Variants in HCN1 observed in about 807,000 individuals in gnomAD.
The protein encoded by HCN1 is hyperpolarization activated cyclic nucleotide gated potassium channel 1.
Under a neutral mutation model 78.9 loss-of-function variants are expected in HCN1, and 13 were observed. The ratio of observed to expected loss-of-function variants is 0.16; its 90% CI spans 0.11 to 0.26. The LOEUF is 0.26. Ranked by LOEUF, HCN1 falls within the 10% of genes least tolerant of loss-of-function variation. The pLI is 1.00. For missense variants in HCN1, 810 were observed against 1,154.3 expected (o/e 0.70, Z 4.32); for synonymous variants, 552 against 455.5 (o/e 1.21, Z -2.70).
chr5:45,530,435 T>A (rs1742818919), intron 2 of HCN1, among the ~76,000 whole-genome samples: 1 of 149,646 alleles, frequency 6.7e-6, no homozygotes, highest in Non-Finnish European at 1.5e-5. Flanking sequence ...TATACATATA[T>A]AGTTTTTTTT....
At chr5:45,621,169 T>C (rs1280320149) in intron 2 of HCN1, among the ~76,000 whole-genome samples, 1 of 152,188 alleles carries the variant, frequency 6.6e-6, no homozygotes, top group East Asian at 1.9e-4. Flanking sequence ...AACTAGGAAA[T>C]ACTTCTTCAA....
chr5:45,291,572 T>C (rs1289081623), intron 6 of HCN1, among the ~76,000 whole-genome samples: 1 of 151,840 alleles, frequency 6.6e-6, no homozygotes, highest in Non-Finnish European at 1.5e-5. Context: ...TGAGACAGAG[T>C]TGCACTCTGT....
chr5:45,668,521 C>T (rs1186078415), intron 1 of HCN1, among the ~76,000 whole-genome samples: 2 of 151,874 alleles, frequency 1.3e-5, no homozygotes, highest in African/African-American at 4.8e-5. Flanking sequence ...TCATAAATTA[C>T]CCAGTCTCAG....
At chr5:45,312,827 C>A (rs1418689629) in intron 5 of HCN1, among the ~76,000 whole-genome samples, 4 of 152,176 alleles carry the variant, frequency 2.6e-5, no homozygotes, top group Admixed American at 1.3e-4. Context: ...GGAGGGGCGC[C>A]CACCATTGCT....
At chr5:45,632,052 G>C (rs1403621900) in intron 2 of HCN1, among the ~76,000 whole-genome samples, 1 of 152,028 alleles carries the variant, frequency 6.6e-6, no homozygotes, top group African/African-American at 2.4e-5. Flanking sequence ...CTCCTTAATT[G>C]CTTTTATTTT....
chr5:45,326,905 T>C (rs1192921984), intron 5 of HCN1, among the ~76,000 whole-genome samples: 13 of 151,662 alleles, frequency 8.6e-5, no homozygotes, highest in Non-Finnish European at 1.3e-4. Flanking sequence ...TAAGGTACCA[T>C]GCAGAATGAC....
chr5:45,593,856 A>T (rs1204659317), intron 2 of HCN1, among the ~76,000 whole-genome samples: 1 of 151,966 alleles, frequency 6.6e-6, no homozygotes, highest in East Asian at 1.9e-4. Flanking sequence ...TTGTATTTTT[A>T]GTAGAGATAG....
intron 5 of HCN1, among the ~76,000 whole-genome samples, chr5:45,331,682 T>C (rs959198598): frequency 2.6e-5 from 4 of 151,436 alleles, no homozygotes; most frequent in Non-Finnish European, 5.9e-5. Flanking sequence ...TCAACACACC[T>C]GCTCATAATC....
intron 2 of HCN1, among the ~76,000 whole-genome samples, chr5:45,593,340 T>TCACA (rs538486679): frequency 3.6e-4 from 45 of 125,582 alleles, no homozygotes; most frequent in African/African-American, 3.8e-4. Flanking sequence ...TCTCTCTCTC[T>TCACA]CACACACACA....
chr5:45,326,672 A>T (rs1432727765), intron 5 of HCN1, among the ~76,000 whole-genome samples: 2 of 151,742 alleles, frequency 1.3e-5, no homozygotes, highest in African/African-American at 4.8e-5. Flanking sequence ...GGCTTAAATT[A>T]TATCTTGTAA....
At chr5:45,376,956 GT>G (rs1396140199) in intron 4 of HCN1, among the ~76,000 whole-genome samples, 1 of 151,964 alleles carries the variant, frequency 6.6e-6, no homozygotes, top group Non-Finnish European at 1.5e-5. Context: ...GCAACCAGGT[GT>G]TTGTCATGTG....
At chr5:45,667,200 T>C (rs545659664) in intron 1 of HCN1, among the ~76,000 whole-genome samples, 23 of 152,030 alleles carry the variant, frequency 1.5e-4, no homozygotes, top group African/African-American at 5.3e-4. Flanking sequence ...TACTTTCAAC[T>C]ATCAGGAGCC....
intron 2 of HCN1, among the ~76,000 whole-genome samples, chr5:45,551,317 C>T (rs1278647157): frequency 1.3e-5 from 2 of 151,298 alleles, no homozygotes; most frequent in East Asian, 3.9e-4. Context: ...TATTGCACAT[C>T]TAATGTCATA....
chr5:45,551,068 T>A (rs1230053521), intron 2 of HCN1, among the ~76,000 whole-genome samples: 1 of 152,002 alleles, frequency 6.6e-6, no homozygotes, highest in African/African-American at 2.4e-5. Flanking sequence ...CAACTCATTA[T>A]CCCTATTCTT....
intron 2 of HCN1, among the ~76,000 whole-genome samples, chr5:45,525,261 A>G (rs1273052519): frequency 1.3e-5 from 2 of 152,020 alleles, no homozygotes; most frequent in African/African-American, 2.4e-5. Flanking sequence ...AAGACAATGA[A>G]CACTTAGTAT....
chr5:45,341,788 T>C (rs1320179858), intron 5 of HCN1, among the ~76,000 whole-genome samples: 2 of 152,098 alleles, frequency 1.3e-5, no homozygotes, highest in East Asian at 1.9e-4. Context: ...TATGAGAATA[T>C]TTTCAGAGAG....
chr5:45,518,825 A>G (rs1742565016), intron 2 of HCN1, among the ~76,000 whole-genome samples: 2 of 151,994 alleles, frequency 1.3e-5, no homozygotes, highest in African/African-American at 4.8e-5. Context: ...ACCTGAAGAA[A>G]TTAGAAAACT....
chr5:45,291,230 T>A (rs781087607), intron 6 of HCN1, among the ~76,000 whole-genome samples: 1 of 152,068 alleles, frequency 6.6e-6, no homozygotes. Context: ...CATATGGACC[T>A]GTAGTTCATT....
rs548678168 is a variant in HCN1, at chr5:45,396,390, T to C, written c.1230+102A>G. On this transcript the variant is annotated intron_variant, in intron 4 of 7. Transcript: ENST00000303230. ...TTTACTTTAAACATTTTATCTCTTT[T>C]TTTTTTTTATAGAGGAGATGGTGTA... 2.8e-5 allele frequency: 26 copies of C among 913,778 alleles called. No individual in the cohort carries two copies. The South Asian group carries it at 3.6e-4, about 13-fold the overall frequency. The allele number at this position is 913,778 out of a possible 1,614,324, so 56.6% of individuals were successfully genotyped here.
Sources: allele counts gnomAD v4.1 joint callset (sites outside exome capture counted in the v4.1 genomes callset), GRCh38; gene constraint gnomAD v4.1.1; transcripts MANE v1.5; gene names NCBI Gene and HGNC (gene_info 2026-07-23, HGNC 2026-07-21).